Variants in SLC25A14 observed in about 807,000 individuals in gnomAD.
SLC25A14 encodes the protein solute carrier family 25 member 14, also known as brain mitochondrial carrier protein 1.
In SLC25A14, 8 loss-of-function variants were observed where a neutral mutation model predicts 28.1. The ratio of observed to expected loss-of-function variants is 0.28; its 90% CI spans 0.17 to 0.51. SLC25A14 has a LOEUF of 0.51. Among genes scored for constraint, SLC25A14 ranks in the 20% least tolerant of loss-of-function variants. The pLI, the probability that SLC25A14 is intolerant of heterozygous loss-of-function variation, is 0.97. For synonymous variants in SLC25A14, 74 were observed against 90.6 expected (o/e 0.82, Z 1.04); for missense variants, 135 against 263.8 (o/e 0.51, Z 3.38).
At chrX:130,364,970 A>C in intron 8 of SLC25A14, 1 of 914,633 alleles carries the variant, frequency 1.1e-6, no homozygotes, top group Non-Finnish European at 1.4e-6. Flanking sequence ...TGTCTAATAC[A>C]GCAGCCTATC....
At chrX:130,342,506 T>C (rs2033290613) in intron 2 of SLC25A14, among the ~76,000 whole-genome samples, 2 of 112,078 alleles carry the variant, frequency 1.8e-5, no homozygotes, top group Admixed American at 9.4e-5. Context: ...GAAAAAAGAA[T>C]GCATTTGTTG....
intron 6 of SLC25A14, among the ~76,000 whole-genome samples, chrX:130,353,882 C>T (rs751642658): frequency 1.8e-5 from 2 of 112,013 alleles, no homozygotes; most frequent in African/African-American, 3.2e-5. Context: ...TCTCATCTTA[C>T]TTAACCTATT....
At chrX:130,367,228 C>T (rs1171898842) in intron 9 of SLC25A14, among the ~76,000 whole-genome samples, 1 of 112,014 alleles carries the variant, frequency 8.9e-6, no homozygotes, top group Non-Finnish European at 1.9e-5. Flanking sequence ...TGAACTTGAG[C>T]ATGATAATGG....
intron 6 of SLC25A14, among the ~76,000 whole-genome samples, chrX:130,355,945 G>C (rs749191796): frequency 7.2e-5 from 8 of 111,566 alleles, no homozygotes; most frequent in Non-Finnish European, 1.3e-4. Context: ...CTCTGTAAAA[G>C]GGAAGGTTTC....
chrX:130,359,259 AG>A, intron 7 of SLC25A14: 8 of 257,409 alleles, frequency 3.1e-5, no homozygotes, highest in South Asian at 3.0e-4. Context: ...AGGCTGAGGC[AG>A]GAGAATTGTT....
chrX:130,342,252 A>G, intron 2 of SLC25A14, among the ~76,000 whole-genome samples: 1 of 112,094 alleles, frequency 8.9e-6, no homozygotes, highest in East Asian at 2.8e-4. Context: ...CACCTGTAGA[A>G]TAGGTGTGAC....
chrX:130,350,583 T>C (rs1408550692), intron 5 of SLC25A14, 63 bp from the exon 6 acceptor site: 12 of 603,009 alleles, frequency 2.0e-5, no homozygotes, highest in Admixed American at 1.8e-4. Context: ...AGTAGGTCAG[T>C]AGTATGTACT....
At chrX:130,344,713 G>A (rs2033374592) in intron 2 of SLC25A14, among the ~76,000 whole-genome samples, 1 of 111,811 alleles carries the variant, frequency 8.9e-6, no homozygotes, top group Admixed American at 9.5e-5. Context: ...GAGATAGGAG[G>A]GCTAAGAATA....
chrX:130,345,676 A>G (rs1479606734), intron 3 of SLC25A14, among the ~76,000 whole-genome samples: 1 of 111,854 alleles, frequency 8.9e-6, no homozygotes, highest in Non-Finnish European at 1.9e-5. Context: ...AAATGTACTA[A>G]CAAGATCAAA....
At chrX:130,344,856 A>G (rs2033380552) in intron 2 of SLC25A14, among the ~76,000 whole-genome samples, 1 of 111,283 alleles carries the variant, frequency 9.0e-6, no homozygotes, top group Admixed American at 9.5e-5. Context: ...TATCTAGTTG[A>G]ATGTCAAAGT....
At chrX:130,368,779 T>C (rs1041571198) in intron 9 of SLC25A14, among the ~76,000 whole-genome samples, 7 of 111,966 alleles carry the variant, frequency 6.3e-5, no homozygotes, top group Admixed American at 1.9e-4. Context: ...TTACACAAGA[T>C]TACACAGCTA....
At chrX:130,349,229 T>A in intron 4 of SLC25A14, 22 bp from the exon 5 acceptor site, 1 of 1,076,540 alleles carries the variant, frequency 9.3e-7, no homozygotes, top group Admixed American at 2.4e-5. Context: ...TGAGAATAAC[T>A]TTTTACTTTT....
intron 9 of SLC25A14, among the ~76,000 whole-genome samples, chrX:130,367,893 C>T (rs111968817): frequency 7.1e-5 from 8 of 112,312 alleles, no homozygotes; most frequent in African/African-American, 2.6e-4. Flanking sequence ...AGCAATTCTC[C>T]TGCCTCAGCC....
chrX:130,365,588 T>A lies in SLC25A14; in HGVS notation c.767T>A (p.Val256Asp). 8.3e-7 allele frequency: 1 copy of A among 1,211,576 alleles called. No individual in the cohort carries two copies. The highest frequency in any genetic ancestry group is 1.1e-6 in the Non-Finnish European group (1 of 895,309). ...GCTGGGGCTCTGGCCTCCAACCCGGTTGATGTGGTTCGAACTCGCATGATG... is the reference window on the plus strand; with the variant it reads ...GCTGGGGCTCTGGCCTCCAACCCGGATGATGTGGTTCGAACTCGCATGATG... ...GLAGALASNP[V>D]DVVRTRMMNQ... The change falls in exon 9 of 11, where the codon GTT (valine) becomes GAT (aspartate). Residue 256 changes from valine to aspartate, a missense_variant. Val to Asp is a radical substitution (Grantham distance 152, BLOSUM62 -3). Transcript: ENST00000545805.
chrX:130,368,288 G>C (rs1303958477), intron 9 of SLC25A14, among the ~76,000 whole-genome samples: 1 of 112,289 alleles, frequency 8.9e-6, no homozygotes, highest in Non-Finnish European at 1.9e-5. Context: ...AGAAGGTTTG[G>C]TGAATTGGTG....
intron 6 of SLC25A14, among the ~76,000 whole-genome samples, chrX:130,355,319 G>A (rs1396396001): frequency 1.6e-4 from 18 of 111,613 alleles, no homozygotes; most frequent in Non-Finnish European, 7.5e-5. Context: ...CTGGTCTTGG[G>A]GTTTATCTCA....
intron 7 of SLC25A14, among the ~76,000 whole-genome samples, chrX:130,359,386 A>G (rs2033899131): frequency 9.2e-6 from 1 of 108,815 alleles, no homozygotes; most frequent in Non-Finnish European, 1.9e-5. Flanking sequence ...GAATAAGAAA[A>G]AAAAGCTGTT....
chrX:130,353,203 A>C (rs1416067435), intron 6 of SLC25A14, among the ~76,000 whole-genome samples: 1 of 111,752 alleles, frequency 8.9e-6, no homozygotes, highest in Non-Finnish European at 1.9e-5. Flanking sequence ...TTGACTTAGA[A>C]CAGGTATTTA....
chrX:130,351,590 A>G (rs1242192045), intron 6 of SLC25A14, among the ~76,000 whole-genome samples: 1 of 112,219 alleles, frequency 8.9e-6, no homozygotes, highest in Non-Finnish European at 1.9e-5. Context: ...ATGATTAGTT[A>G]AAAGCACTAA....
Sources: allele counts gnomAD v4.1 joint callset (sites outside exome capture counted in the v4.1 genomes callset), GRCh38; gene constraint gnomAD v4.1.1; transcripts MANE v1.5; gene names NCBI Gene and HGNC (gene_info 2026-07-23, HGNC 2026-07-21).